NEGR1: variants seen among roughly 807,000 people sequenced by gnomAD.
NEGR1 encodes IgLON family member 4.
Under a neutral mutation model 40.9 loss-of-function variants are expected in NEGR1, and 10 were observed. That is an observed-to-expected ratio of 0.24 (90% CI 0.15 to 0.42). The LOEUF (loss-of-function observed/expected upper bound fraction) is 0.42. NEGR1 is among the 10% of genes least tolerant of loss of function. The probability of loss-of-function intolerance (pLI) is 1.00; values close to 1 mark genes in which losing one functional copy is unlikely to be tolerated. For missense variants in NEGR1, 352 were observed against 438.9 expected, an observed-to-expected ratio of 0.80 and a Z score of 1.77; for synonymous variants, 185 against 166.8, an observed-to-expected ratio of 1.11 and a Z score of -0.84.
At chr1:72,121,327 T>C (rs1649797737) in intron 1 of NEGR1, among the ~76,000 whole-genome samples, 1 of 152,036 alleles carries the variant, frequency 6.6e-6, no homozygotes, top group Admixed American at 6.6e-5. Flanking sequence ...AAGAAGACAA[T>C]ACTATAAGTA....
At chr1:71,461,347 C>T (rs1646713416) in intron 6 of NEGR1, among the ~76,000 whole-genome samples, 1 of 152,130 alleles carries the variant, frequency 6.6e-6, no homozygotes, top group African/African-American at 2.4e-5. Context: ...AAATGATTGT[C>T]TTTAAGATTT....
At chr1:72,119,165 C>T (rs1300505730) in intron 1 of NEGR1, among the ~76,000 whole-genome samples, 3 of 151,850 alleles carry the variant, frequency 2.0e-5, no homozygotes, top group Non-Finnish European at 4.4e-5. Flanking sequence ...CTATGTCAGA[C>T]ATTAAGCTAG....
intron 1 of NEGR1, among the ~76,000 whole-genome samples, chr1:72,053,743 T>C (rs990398863): frequency 1.3e-5 from 2 of 151,198 alleles, no homozygotes; most frequent in Non-Finnish European, 3.0e-5. Context: ...ACTGAACTTG[T>C]TTTCCACCCC....
In NEGR1 at chr1:72,109,141, T is replaced by C. The variant is rs113760744; in HGVS notation, c.176+173178A>G. On this transcript the variant is annotated intron_variant, in intron 1 of 6. Transcript: ENST00000357731. The stretch of plus-strand genomic sequence containing the variant: ...AATGATCTAGTTATGTAGACAAATT[T>C]CTCAATATGACAGTAGCAAGCCTAG... Among the ~76,000 whole-genome samples, 488 of 151,746 alleles carry C rather than the reference T, an allele frequency of 3.2e-3. 3 individuals carry two copies. Among genetic ancestry groups the C allele is most frequent in the African/African-American group, 0.011 (468 of 41,496 alleles).
At chr1:71,414,613 T>C (rs182527397) in intron 6 of NEGR1, among the ~76,000 whole-genome samples, 16 of 152,328 alleles carry the variant, frequency 1.1e-4, no homozygotes, top group Admixed American at 8.5e-4. Flanking sequence ...AGCACAGACA[T>C]GCTCTATCAT....
At chr1:71,471,891 T>TC (rs1646784659) in intron 6 of NEGR1, among the ~76,000 whole-genome samples, 16 of 152,042 alleles carry the variant, frequency 1.1e-4, no homozygotes, top group Admixed American at 1.1e-3. Context: ...TCCTTCTCAG[T>TC]CTGGCATTCC....
chr1:72,143,987 C>A (rs1049241108), intron 1 of NEGR1, among the ~76,000 whole-genome samples: 3 of 144,494 alleles, frequency 2.1e-5, no homozygotes, highest in Non-Finnish European at 1.5e-5. Context: ...TAAGAAAGAC[C>A]TGAGATGGTC....
chr1:71,951,367 G>A (rs1339777436), intron 1 of NEGR1, among the ~76,000 whole-genome samples: 1 of 151,754 alleles, frequency 6.6e-6, no homozygotes, highest in Non-Finnish European at 1.5e-5. Context: ...ACTGTAACAG[G>A]CAAATCATAA....
chr1:71,792,329 G>T (rs1657146994), intron 2 of NEGR1, among the ~76,000 whole-genome samples: 1 of 152,062 alleles, frequency 6.6e-6, no homozygotes, highest in South Asian at 2.1e-4. Context: ...TTGTGAGTTT[G>T]CATTTATAGA....
chr1:71,733,039 T>C (rs1438564420), intron 3 of NEGR1, among the ~76,000 whole-genome samples: 1 of 151,984 alleles, frequency 6.6e-6, no homozygotes, highest in Non-Finnish European at 1.5e-5. Context: ...TGTGCTCAGC[T>C]TTTCTCAAGT....
At chr1:71,685,068 C>T (rs1652985289) in intron 4 of NEGR1, among the ~76,000 whole-genome samples, 1 of 152,062 alleles carries the variant, frequency 6.6e-6, no homozygotes, top group Admixed American at 6.5e-5. Flanking sequence ...TATTAAAGCA[C>T]AAACCCAGTA....
At chr1:71,643,815 T>C (rs528478226) in intron 4 of NEGR1, among the ~76,000 whole-genome samples, 26 of 152,136 alleles carry the variant, frequency 1.7e-4, no homozygotes, top group African/African-American at 5.8e-4. Flanking sequence ...TTTGATATGA[T>C]TTGGAATTAT....
chr1:72,156,888 A>T (rs1454903796), intron 1 of NEGR1, among the ~76,000 whole-genome samples: 1 of 152,164 alleles, frequency 6.6e-6, no homozygotes, highest in African/African-American at 2.4e-5. Context: ...CCTACCTTCC[A>T]GATTACTCAT....
chr1:72,237,150 A>G (rs1411319603), intron 1 of NEGR1, among the ~76,000 whole-genome samples: 1 of 151,996 alleles, frequency 6.6e-6, no homozygotes, highest in Non-Finnish European at 1.5e-5. Flanking sequence ...GGTTTACTAG[A>G]GGCCTATTAG....
At chr1:71,557,590 T>G (rs1275350925) in intron 6 of NEGR1, among the ~76,000 whole-genome samples, 1 of 151,644 alleles carries the variant, frequency 6.6e-6, no homozygotes, top group Non-Finnish European at 1.5e-5. Context: ...CTTTTAACTT[T>G]TTACTTTGCA....
intron 6 of NEGR1, among the ~76,000 whole-genome samples, chr1:71,476,206 A>G (rs1646819092): frequency 6.6e-6 from 1 of 152,264 alleles, no homozygotes; most frequent in South Asian, 2.1e-4. Context: ...TGATCATATT[A>G]TAACTAAACA....
chr1:71,894,497 TA>T (rs1191549092), intron 2 of NEGR1, among the ~76,000 whole-genome samples: 1 of 152,168 alleles, frequency 6.6e-6, no homozygotes, highest in Non-Finnish European at 1.5e-5. Context: ...CACTTCCTCT[TA>T]AAACAACACT....
At chr1:71,633,217 T>C (rs1214650665) in intron 4 of NEGR1, among the ~76,000 whole-genome samples, 1 of 152,110 alleles carries the variant, frequency 6.6e-6, no homozygotes, top group Non-Finnish European at 1.5e-5. Flanking sequence ...CACACATTCA[T>C]AACCAGTTTG....
chr1:72,025,531 T>A (rs578216215), intron 1 of NEGR1, among the ~76,000 whole-genome samples: 3 of 152,082 alleles, frequency 2.0e-5, no homozygotes, highest in South Asian at 2.1e-4. Context: ...AAATCAAGGG[T>A]TACCAAAATA....
Sources: allele counts gnomAD v4.1 joint callset (sites outside exome capture counted in the v4.1 genomes callset), GRCh38; gene constraint gnomAD v4.1.1; transcripts MANE v1.5; gene names NCBI Gene and HGNC (gene_info 2026-07-23, HGNC 2026-07-21).